Variants in SBF2 observed in about 807,000 individuals in gnomAD.
The protein encoded by SBF2 is myotubularin-related protein 13.
SBF2 carries 112 observed loss-of-function variants against 225.2 expected under a neutral mutation model. That is an observed-to-expected ratio of 0.50 (90% CI 0.43 to 0.58). SBF2 has a LOEUF of 0.58. SBF2 is among the 20% of genes least tolerant of loss of function. The probability of loss-of-function intolerance (pLI) is 0.00; values close to 1 mark genes in which losing one functional copy is unlikely to be tolerated. For synonymous variants in SBF2, 763 were observed against 773.3 expected (o/e 0.99, Z 0.22); for missense variants, 1,996 against 2,206.2 (o/e 0.90, Z 1.91).
chr11:10,259,035 C>A (rs566763056), intron 1 of SBF2, among the ~76,000 whole-genome samples: 27 of 152,286 alleles, frequency 1.8e-4, no homozygotes, highest in African/African-American at 6.3e-4. Context: ...GGAACCTAGT[C>A]CTTGGACTTC....
intron 16 of SBF2, 62 bp from the exon 17 acceptor site, chr11:9,896,073 G>A (rs4910073): frequency 6.3e-6 from 8 of 1,260,496 alleles, no homozygotes; most frequent in Non-Finnish European, 9.3e-6. Flanking sequence ...AAATACATGC[G>A]AACTAACATC....
At chr11:10,217,766 T>C (rs1402852666) in intron 1 of SBF2, among the ~76,000 whole-genome samples, 1 of 152,190 alleles carries the variant, frequency 6.6e-6, no homozygotes, top group African/African-American at 2.4e-5. Flanking sequence ...TACTAGTCTG[T>C]TCTCACCCTG....
chr11:10,030,382 G>A (rs1358842041), intron 4 of SBF2, among the ~76,000 whole-genome samples: 1 of 152,116 alleles, frequency 6.6e-6, no homozygotes, highest in African/African-American at 2.4e-5. Context: ...CAATCTTTAT[G>A]AATCTTTCAG....
intron 16 of SBF2, among the ~76,000 whole-genome samples, chr11:9,924,433 T>C (rs1329997957): frequency 2.6e-5 from 4 of 152,100 alleles, no homozygotes; most frequent in Non-Finnish European, 5.9e-5. Flanking sequence ...TTCTTATTTA[T>C]TTATTTATTT....
intron 16 of SBF2, chr11:9,959,618 A>AAAT (rs1565060571): frequency 1.3e-6 from 1 of 760,068 alleles, no homozygotes; most frequent in African/African-American, 1.7e-5. Flanking sequence ...TAGAGCCACC[A>AAAT]AAATTCTACT....
At chr11:9,842,551 G>A in intron 25 of SBF2, 74 bp downstream of exon 25, 1 of 1,475,888 alleles carries the variant, frequency 6.8e-7, no homozygotes, top group Admixed American at 1.7e-5. Context: ...AGATGTAAGT[G>A]CAACTACATC....
chr11:9,818,309 A>C (rs17268414), intron 28 of SBF2, among the ~76,000 whole-genome samples: 79,355 of 152,098 alleles, frequency 0.52, 23,450 homozygotes, highest in Non-Finnish European at 0.67. Context: ...ATGAGATAAG[A>C]TGACCTTAGT....
At chr11:10,136,335 T>C (rs984678888) in intron 2 of SBF2, among the ~76,000 whole-genome samples, 1 of 152,246 alleles carries the variant, frequency 6.6e-6, no homozygotes, top group African/African-American at 2.4e-5. Flanking sequence ...TTTGCTCTAA[T>C]GAAGAAACTC....
chr11:9,980,587 G>A (rs1456286938), intron 13 of SBF2, among the ~76,000 whole-genome samples: 3 of 150,902 alleles, frequency 2.0e-5, no homozygotes, highest in Non-Finnish European at 4.4e-5. Flanking sequence ...CAGAACTTAA[G>A]AATTTTTTTT....
intron 1 of SBF2, among the ~76,000 whole-genome samples, chr11:10,206,041 A>C (rs1407810357): frequency 6.6e-6 from 1 of 151,818 alleles, no homozygotes; most frequent in Non-Finnish European, 1.5e-5. Context: ...CATGAGTCAG[A>C]ATCTCTCATG....
chr11:10,185,381 A>G (rs904303374), intron 2 of SBF2, among the ~76,000 whole-genome samples: 3 of 152,164 alleles, frequency 2.0e-5, no homozygotes, highest in Non-Finnish European at 2.9e-5. Flanking sequence ...TTACGTTCCC[A>G]CCAACAGTGC....
In SBF2 at chr11:10,018,771, T is replaced by C. The variant is rs115008399; in HGVS notation, c.619+9681A>G. 4.4e-3 allele frequency among the ~76,000 whole-genome samples: 666 copies of C among 152,330 alleles called. 4 individuals carry two copies. The highest frequency in any genetic ancestry group is 0.015 in the African/African-American group (635 of 41,574). On this transcript the variant is annotated intron_variant, in intron 6 of 39. Coordinates refer to ENST00000256190, the MANE Select transcript of SBF2 (RefSeq NM_030962.4). ...TTGGTCAATGACTGTCAGTCTTTGA[T>C]ATTTTTACAACGGTTTCTTTATAGA... is the stretch of plus-strand genomic sequence containing the variant.
At chr11:9,848,589 T>C (rs766488190) in intron 22 of SBF2, among the ~76,000 whole-genome samples, 1 of 152,240 alleles carries the variant, frequency 6.6e-6, no homozygotes, top group Non-Finnish European at 1.5e-5. Context: ...ATTACAGCAA[T>C]TTAAATGACC....
At chr11:10,202,627 T>C (rs1406266543) in intron 1 of SBF2, among the ~76,000 whole-genome samples, 1 of 151,724 alleles carries the variant, frequency 6.6e-6, no homozygotes, top group Non-Finnish European at 1.5e-5. Flanking sequence ...CTACTAAAAA[T>C]AACAAAAAAA....
intron 2 of SBF2, among the ~76,000 whole-genome samples, chr11:10,050,347 A>G (rs187270892): frequency 2.0e-5 from 3 of 152,270 alleles, no homozygotes; most frequent in Admixed American, 2.0e-4. Flanking sequence ...TCCATGGAGG[A>G]TATGTTCAAG....
chr11:9,919,303 T>C (rs372621363), intron 16 of SBF2, among the ~76,000 whole-genome samples: 190 of 150,656 alleles, frequency 1.3e-3, no homozygotes, highest in African/African-American at 4.5e-3. Context: ...TTTGCTCTTG[T>C]TGCCCAGGCT....
chr11:10,174,157 C>T (rs143304500), intron 2 of SBF2, among the ~76,000 whole-genome samples: 11,705 of 151,768 alleles, frequency 0.077, 647 homozygotes, highest in East Asian at 0.28. Flanking sequence ...CAAAGCTGGA[C>T]GGAGAATGAC....
intron 2 of SBF2, among the ~76,000 whole-genome samples, chr11:10,103,491 T>G (rs1952404840): frequency 6.6e-6 from 1 of 152,226 alleles, no homozygotes; most frequent in South Asian, 2.1e-4. Flanking sequence ...CCAGTAATAA[T>G]TATGTTAAAT....
chr11:9,847,129 C>A, intron 22 of SBF2, 46 bp from the exon 23 acceptor site: 2 of 1,610,600 alleles, frequency 1.2e-6, no homozygotes, highest in South Asian at 2.2e-5. Flanking sequence ...CTTTATAGCT[C>A]ACTTTTAGAG....
Sources: gnomAD v4.1 joint callset for allele counts (sites outside exome capture counted in the v4.1 genomes callset) on GRCh38, gnomAD v4.1.1 for gene constraint, MANE v1.5 for transcripts, NCBI Gene and HGNC (gene_info 2026-07-23, HGNC 2026-07-21) for gene names.